PRKAR1A: variants seen among roughly 807,000 people sequenced by gnomAD.
PRKAR1A encodes the protein protein kinase cAMP-dependent type I regulatory subunit alpha.
In PRKAR1A, 3 loss-of-function variants were observed where a neutral mutation model predicts 52.0. The ratio of observed to expected loss-of-function variants is 0.06; its 90% CI spans 0.03 to 0.15. PRKAR1A has a LOEUF of 0.15. Among genes scored for constraint, PRKAR1A ranks in the 10% least tolerant of loss-of-function variants. The pLI is 1.00. For missense variants in PRKAR1A, 240 were observed against 477.4 expected, an observed-to-expected ratio of 0.50 and a Z score of 4.63; for synonymous variants, 188 against 168.4, an observed-to-expected ratio of 1.12 and a Z score of -0.90.
the PRKAR1A span, among the ~76,000 whole-genome samples, chr17:68,500,926 C>T: frequency 6.6e-6 from 1 of 152,164 alleles, no homozygotes; most frequent in Non-Finnish European, 1.5e-5. Context: ...AGTAGAAAAG[C>T]AGTTAATGGA....
intron 11 of PRKAR1A, among the ~76,000 whole-genome samples, chr17:68,538,477 T>G (rs1238253189): frequency 6.6e-6 from 1 of 152,244 alleles, no homozygotes; most frequent in African/African-American, 2.4e-5. Flanking sequence ...ATATTTATAA[T>G]TAGCTCTGCA....
chr17:68,524,888 TCTAA>T lies in PRKAR1A; in HGVS notation c.503-21_503-18del. 1 of 1,575,266 alleles carries T rather than the reference TCTAA, an allele frequency of 6.3e-7. No homozygotes were observed. The highest frequency in any genetic ancestry group is 8.7e-7 in the Non-Finnish European group (1 of 1,144,932). The stretch of plus-strand genomic sequence containing the variant: ...TTCTTTCTTTAATTTGGAATATGCT[TCTAA>T]CTTTTTTACCCTCTTTTAGGTGATG... On this transcript the variant is annotated intron_variant, in intron 5 of 10. Transcript: ENST00000589228.
the PRKAR1A span, among the ~76,000 whole-genome samples, chr17:68,458,818 T>G: frequency 2.0e-5 from 3 of 152,220 alleles, no homozygotes; most frequent in Non-Finnish European, 4.4e-5. Context: ...TAGTTATTGT[T>G]ATATGACAGT....
At chr17:68,521,011 G>T (rs1195092087) in intron 2 of PRKAR1A, among the ~76,000 whole-genome samples, 1 of 152,070 alleles carries the variant, frequency 6.6e-6, no homozygotes, top group African/African-American at 2.4e-5. Flanking sequence ...GTGCAATCTC[G>T]GCTCACTGCA....
chr17:68,471,220 G>A, the PRKAR1A span, among the ~76,000 whole-genome samples: 2 of 152,132 alleles, frequency 1.3e-5, no homozygotes, highest in Non-Finnish European at 2.9e-5. Flanking sequence ...GCAATACTAT[G>A]CAGTCATTAA....
the PRKAR1A span, among the ~76,000 whole-genome samples, chr17:68,443,382 C>T: frequency 1.3e-5 from 2 of 152,036 alleles, no homozygotes; most frequent in Non-Finnish European, 2.9e-5. Context: ...CAATGTGCTG[C>T]GATTATAGGT....
chr17:68,463,016 T>C, the PRKAR1A span, among the ~76,000 whole-genome samples: 1 of 149,930 alleles, frequency 6.7e-6, no homozygotes, highest in Admixed American at 6.6e-5. Context: ...TGTACGACTT[T>C]AGGTTTCTTT....
At chr17:68,421,647 G>A in the PRKAR1A span, 5 of 1,386,514 alleles carry the variant, frequency 3.6e-6, no homozygotes, top group East Asian at 1.1e-4. Context: ...GGTTTAAGCA[G>A]TGGAGCACCC....
intron 10 of PRKAR1A, 24 bp from the exon 11 acceptor site, chr17:68,530,253 G>C: frequency 1.9e-6 from 3 of 1,613,366 alleles, no homozygotes; most frequent in Non-Finnish European, 2.5e-6. Context: ...AAGTTAGCCT[G>C]TTACCCATCT....
chr17:68,463,683 A>G, the PRKAR1A span, among the ~76,000 whole-genome samples: 2 of 152,180 alleles, frequency 1.3e-5, no homozygotes, highest in South Asian at 4.1e-4. Flanking sequence ...CCATTTGAAC[A>G]AGACCTCAGG....
downstream of PRKAR1A, among the ~76,000 whole-genome samples, chr17:68,534,921 A>G (rs1049782268): frequency 1.1e-4 from 16 of 152,234 alleles, no homozygotes; most frequent in South Asian, 4.1e-4. Flanking sequence ...GTATTTGCCA[A>G]TGCAGTGTTT....
chr17:68,436,080 A>G, the PRKAR1A span, among the ~76,000 whole-genome samples: 1 of 152,236 alleles, frequency 6.6e-6, no homozygotes, highest in African/African-American at 2.4e-5. Flanking sequence ...AAACACCTGC[A>G]CACTGTCTCA....
intron 11 of PRKAR1A, chr17:68,540,005 CA>C (rs1568718832): frequency 1.3e-6 from 2 of 1,574,572 alleles, no homozygotes; most frequent in African/African-American, 2.7e-5. Flanking sequence ...ACCAGCAGGC[CA>C]GGGGGACAGG....
At chr17:68,488,739 A>G in the PRKAR1A span, among the ~76,000 whole-genome samples, 1 of 150,408 alleles carries the variant, frequency 6.6e-6, no homozygotes, top group Non-Finnish European at 1.5e-5. Flanking sequence ...CAAAACAAAA[A>G]AAAAAAAAAA....
chr17:68,444,465 G>T, the PRKAR1A span: 3 of 1,589,704 alleles, frequency 1.9e-6, no homozygotes, highest in Non-Finnish European at 2.6e-6. Flanking sequence ...GAAATTTCAG[G>T]GACATTTGTT....
chr17:68,428,323 G>A, the PRKAR1A span: 64 of 158,220 alleles, frequency 4.0e-4, no homozygotes, highest in East Asian at 0.011. Flanking sequence ...AACCTCTCCA[G>A]GCTCAGGTGA....
intron 11 of PRKAR1A, among the ~76,000 whole-genome samples, chr17:68,547,522 G>GCT (rs1206148193): frequency 2.0e-5 from 3 of 152,206 alleles, no homozygotes; most frequent in Non-Finnish European, 2.9e-5. Flanking sequence ...ACCTGCTGCA[G>GCT]CTTCTCCATC....
chr17:68,459,532 C>T, the PRKAR1A span, among the ~76,000 whole-genome samples: 2 of 152,122 alleles, frequency 1.3e-5, no homozygotes, highest in Non-Finnish European at 2.9e-5. Flanking sequence ...GGGAAAAGAT[C>T]TAGAAGTCTT....
chr17:68,496,307 G>T, the PRKAR1A span, among the ~76,000 whole-genome samples: 1 of 151,536 alleles, frequency 6.6e-6, no homozygotes, highest in African/African-American at 2.4e-5. Flanking sequence ...CTCCCAAAGT[G>T]CTGGGATTAC....
Sources: allele counts gnomAD v4.1 joint callset (sites outside exome capture counted in the v4.1 genomes callset), GRCh38; gene constraint gnomAD v4.1.1; transcripts MANE v1.5; gene names NCBI Gene and HGNC (gene_info 2026-07-23, HGNC 2026-07-21).